The following RPSA2 variants were observed in gnomAD, a reference collection of about 807,000 sequenced individuals.
RPSA2 encodes the protein small ribosomal subunit protein uS2B.
chr19:23,796,760 A>T, the RPSA2 span, among the ~76,000 whole-genome samples: 1 of 151,924 alleles, frequency 6.6e-6, no homozygotes, highest in Non-Finnish European at 1.5e-5. Context: ...GTAGACTTAA[A>T]TATATTTTTG....
the RPSA2 span, among the ~76,000 whole-genome samples, chr19:23,868,578 T>C: frequency 6.6e-6 from 1 of 152,230 alleles, no homozygotes; most frequent in Non-Finnish European, 1.5e-5. Flanking sequence ...TTATTTACTT[T>C]AAATTTTTTG....
At chr19:23,835,052 T>C in the RPSA2 span, among the ~76,000 whole-genome samples, 3 of 152,164 alleles carry the variant, frequency 2.0e-5, no homozygotes, top group Non-Finnish European at 4.4e-5. Context: ...ATTTATTCTT[T>C]GTATTACAAG....
the RPSA2 span, among the ~76,000 whole-genome samples, chr19:23,760,566 G>A: frequency 1.3e-5 from 2 of 151,660 alleles, no homozygotes; most frequent in African/African-American, 2.4e-5. Context: ...AAATCTCACC[G>A]AGCTGTAGCA....
chr19:23,761,025 A>G, the RPSA2 span, among the ~76,000 whole-genome samples: 1 of 113,218 alleles, frequency 8.8e-6, no homozygotes, highest in Non-Finnish European at 1.7e-5. Flanking sequence ...GTATATATAT[A>G]TACACATATA....
At chr19:23,870,248 A>G in the RPSA2 span, among the ~76,000 whole-genome samples, 1 of 152,180 alleles carries the variant, frequency 6.6e-6, no homozygotes, top group Admixed American at 6.5e-5. Flanking sequence ...ATGGCTCAGT[A>G]TGTAGAGGAC....
At chr19:23,775,479 C>T in the RPSA2 span, among the ~76,000 whole-genome samples, 2 of 152,114 alleles carry the variant, frequency 1.3e-5, no homozygotes, top group Non-Finnish European at 1.5e-5. Context: ...CAAAAGATTG[C>T]GACTCTCACG....
At chr19:23,841,702 G>A in the RPSA2 span, among the ~76,000 whole-genome samples, 1 of 152,024 alleles carries the variant, frequency 6.6e-6, no homozygotes, top group Non-Finnish European at 1.5e-5. Flanking sequence ...CTGGGCATGA[G>A]CCCTGTGTAC....
the RPSA2 span, among the ~76,000 whole-genome samples, chr19:23,780,427 AG>A: frequency 1.3e-5 from 2 of 152,122 alleles, no homozygotes; most frequent in African/African-American, 4.8e-5. Context: ...GCGGATCACA[AG>A]GTCAGGAGAT....
At chr19:23,826,367 A>AT in the RPSA2 span, among the ~76,000 whole-genome samples, 1 of 151,314 alleles carries the variant, frequency 6.6e-6, no homozygotes, top group Non-Finnish European at 1.5e-5. Flanking sequence ...TAATTTTTGC[A>AT]TTTTTAGTAA....
At chr19:23,839,181 T>C in the RPSA2 span, among the ~76,000 whole-genome samples, 1 of 152,220 alleles carries the variant, frequency 6.6e-6, no homozygotes, top group African/African-American at 2.4e-5. Context: ...CCATATTGAT[T>C]TTGTTTTTAA....
chr19:23,837,149 A>AT, the RPSA2 span, among the ~76,000 whole-genome samples: 45 of 151,262 alleles, frequency 3.0e-4, no homozygotes, highest in East Asian at 1.6e-3. Flanking sequence ...TCTTGTGTTG[A>AT]TTTTTTTTTA....
the RPSA2 span, among the ~76,000 whole-genome samples, chr19:23,788,990 C>T: frequency 6.8e-6 from 1 of 147,834 alleles, no homozygotes; most frequent in Non-Finnish European, 1.5e-5. Context: ...TGACTTGTGG[C>T]CTGTGCTCAT....
chr19:23,837,597 G>A, the RPSA2 span, among the ~76,000 whole-genome samples: 1 of 152,278 alleles, frequency 6.6e-6, no homozygotes, highest in East Asian at 1.9e-4. Context: ...CCATGAGCAT[G>A]GGATGTGTTT....
At chr19:23,803,413 A>T in the RPSA2 span, among the ~76,000 whole-genome samples, 10 of 151,390 alleles carry the variant, frequency 6.6e-5, no homozygotes, top group Non-Finnish European at 1.2e-4. Flanking sequence ...AATTTTTTTT[A>T]AAACCATTGT....
At chr19:23,810,440 T>G in the RPSA2 span, among the ~76,000 whole-genome samples, 1 of 6,040 alleles carries the variant, frequency 1.7e-4, no homozygotes, top group Non-Finnish European at 3.7e-3. Flanking sequence ...GCTTGGATAG[T>G]TGTAGTTTTC....
At chr19:23,788,127 T>C in the RPSA2 span, among the ~76,000 whole-genome samples, 22 of 152,294 alleles carry the variant, frequency 1.4e-4, no homozygotes, top group East Asian at 1.7e-3. Context: ...TTTCTGTACC[T>C]GTCCACAGTA....
chr19:23,796,764 A>C, the RPSA2 span, among the ~76,000 whole-genome samples: 1 of 151,724 alleles, frequency 6.6e-6, no homozygotes, highest in African/African-American at 2.4e-5. Context: ...ACTTAAATAT[A>C]TTTTTGTGGG....
the RPSA2 span, among the ~76,000 whole-genome samples, chr19:23,861,517 G>A: frequency 1.3e-5 from 2 of 152,092 alleles, no homozygotes; most frequent in Non-Finnish European, 2.9e-5. Context: ...ATGAGAACAT[G>A]TTAAAAATTT....
the RPSA2 span, among the ~76,000 whole-genome samples, chr19:23,802,359 TC>T: frequency 6.6e-6 from 1 of 152,144 alleles, no homozygotes; most frequent in African/African-American, 2.4e-5. Context: ...GGACAGGAGA[TC>T]CAGGTTCTGG....
Sources: gnomAD v4.1 joint callset for allele counts (sites outside exome capture counted in the v4.1 genomes callset) on GRCh38, gnomAD v4.1.1 for gene constraint, MANE v1.5 for transcripts, NCBI Gene and HGNC (gene_info 2026-07-23, HGNC 2026-07-21) for gene names.